Variants in F13A1 observed in about 807,000 individuals in gnomAD.
F13A1 encodes coagulation factor XIII A chain, also known as FSF, A subunit.
A neutral mutation model predicts 80.1 loss-of-function variants in F13A1; 47 were observed. The observed-to-expected ratio is 0.59, with a 90% CI of 0.46 to 0.75. F13A1 has a LOEUF of 0.75. F13A1 is among the 30% of genes least tolerant of loss of function. The pLI, the probability that F13A1 is intolerant of heterozygous loss-of-function variation, is 0.00. For missense variants in F13A1, 817 were observed against 930.4 expected (o/e 0.88, Z 1.59); for synonymous variants, 349 against 344.9 (o/e 1.01, Z -0.13).
At chr6:6,190,994 C>T (rs1175203739) in intron 10 of F13A1, among the ~76,000 whole-genome samples, 6 of 152,228 alleles carry the variant, frequency 3.9e-5, no homozygotes, top group Non-Finnish European at 8.8e-5. Flanking sequence ...TTTCCAGGTG[C>T]CATCCGTCAC....
intron 3 of F13A1, among the ~76,000 whole-genome samples, chr6:6,304,319 T>C (rs1758479783): frequency 6.6e-6 from 1 of 152,218 alleles, no homozygotes; most frequent in African/African-American, 2.4e-5. Context: ...TGCCTAATTT[T>C]TTCCTTTAAT....
chr6:6,180,506 C>G (rs1341721101), intron 11 of F13A1, among the ~76,000 whole-genome samples: 1 of 152,216 alleles, frequency 6.6e-6, no homozygotes. Context: ...TTGCAGCTAA[C>G]TTTTCTATGA....
intron 8 of F13A1, among the ~76,000 whole-genome samples, chr6:6,212,397 A>G (rs897544415): frequency 6.6e-6 from 1 of 152,184 alleles, no homozygotes; most frequent in African/African-American, 2.4e-5. Context: ...CCTAACTGGG[A>G]GGCACCCCCC....
chr6:6,182,208 C>G (rs1761001262), intron 10 of F13A1, 67 bp from the exon 11 acceptor site: 5 of 1,566,972 alleles, frequency 3.2e-6, no homozygotes, highest in Non-Finnish European at 4.4e-6. Flanking sequence ...CTTTAACTGT[C>G]CATAGAGCAG....
rs1167115323 is a variant in F13A1 at position 6,305,339 on chromosome 6, C to T, written c.319+12G>A. ...CATGGTGTCAAGACTGGAGCTTGCA[C>T]ATGGCACTCACCAATGACGTATTCC... On this transcript the variant is annotated intron_variant, in intron 3 of 14. Transcript: ENST00000264870. 1.9e-6 allele frequency: 3 copies of T among 1,614,164 alleles called. No homozygotes were observed. The highest frequency in any genetic ancestry group is 1.7e-6 in the Non-Finnish European group (2 of 1,180,004).
rs3024476 is a variant in F13A1 at position 6,266,907 on chromosome 6, A to C, written c.320-98T>G. Reference sequence around the variant, plus strand: ...ATAGCTGAAGGGACAGGAGTAATCCATTAGAATTATTCTTGACTTGAAGAA... The same window carrying C: ...ATAGCTGAAGGGACAGGAGTAATCCCTTAGAATTATTCTTGACTTGAAGAA... On this transcript the variant is annotated intron_variant, in intron 3 of 14. Coordinates refer to ENST00000264870, the MANE Select transcript of F13A1 (RefSeq NM_000129.4). 6.2e-3 allele frequency: 9,439 copies of C among 1,511,858 alleles called. 88 individuals carry two copies. The highest frequency in any genetic ancestry group is 0.014 in the Middle Eastern group (78 of 5,664). The allele number at this position is 1,511,858 out of a possible 1,614,324, so 93.7% of individuals were successfully genotyped here.
intron 3 of F13A1, among the ~76,000 whole-genome samples, chr6:6,304,439 T>C (rs1583122492): frequency 6.6e-6 from 1 of 152,298 alleles, no homozygotes; most frequent in East Asian, 1.9e-4. Context: ...TTTACCAAAA[T>C]GTGTCAAAAG....
At chr6:6,249,295 G>A (rs1190771320) in intron 5 of F13A1, among the ~76,000 whole-genome samples, 1 of 152,232 alleles carries the variant, frequency 6.6e-6, no homozygotes, top group Non-Finnish European at 1.5e-5. Context: ...CAAACTGACA[G>A]GATGGATGCA....
intron 13 of F13A1, among the ~76,000 whole-genome samples, chr6:6,167,134 G>C (rs1760687526): frequency 6.6e-6 from 1 of 152,146 alleles, no homozygotes; most frequent in South Asian, 2.1e-4. Context: ...GACACTGAAA[G>C]TTCTAAGTAT....
intron 3 of F13A1, among the ~76,000 whole-genome samples, chr6:6,283,868 T>C (rs1758099915): frequency 6.6e-6 from 1 of 152,176 alleles, no homozygotes; most frequent in Non-Finnish European, 1.5e-5. Context: ...AAGCATCAGC[T>C]GTAAGAGAAG....
chr6:6,285,982 G>A (rs975995042), intron 3 of F13A1, among the ~76,000 whole-genome samples: 4 of 152,244 alleles, frequency 2.6e-5, no homozygotes, highest in Non-Finnish European at 4.4e-5. Flanking sequence ...TACAACACTA[G>A]TAAACGCACT....
chr6:6,153,988 G>T (rs942672605), intron 13 of F13A1, among the ~76,000 whole-genome samples: 2 of 152,106 alleles, frequency 1.3e-5, no homozygotes, highest in African/African-American at 4.8e-5. Flanking sequence ...ATGAGGATTT[G>T]AAGCTGCCAA....
At chr6:6,244,787 T>G (rs1757532370) in intron 6 of F13A1, among the ~76,000 whole-genome samples, 1 of 152,152 alleles carries the variant, frequency 6.6e-6, no homozygotes, top group South Asian at 2.1e-4. Context: ...GGTCACATAG[T>G]AAGTTAATAG....
intron 13 of F13A1, among the ~76,000 whole-genome samples, chr6:6,160,237 A>G (rs941541828): frequency 6.7e-5 from 10 of 149,310 alleles, no homozygotes; most frequent in African/African-American, 2.0e-4. Flanking sequence ...AGATCACACC[A>G]CTGCACTCTA....
intron 12 of F13A1, among the ~76,000 whole-genome samples, chr6:6,168,414 C>T (rs1760714617): frequency 6.6e-6 from 1 of 152,202 alleles, no homozygotes; most frequent in African/African-American, 2.4e-5. Flanking sequence ...TTCTCTCTAA[C>T]TCCCATTTCC....
intron 3 of F13A1, among the ~76,000 whole-genome samples, chr6:6,293,094 T>A (rs1758246227): frequency 6.6e-6 from 1 of 152,096 alleles, no homozygotes; most frequent in Admixed American, 6.6e-5. Context: ...CATCATAGAA[T>A]TGAGGGAAAG....
rs866044358 is a variant in F13A1, at chr6:6,300,603, G to A, written c.319+4748C>T. ...GCAATGCCTCGCCCTGCTTCGGCTC[G>A]CGCACAGTGCACGCACCCACTGACT... is the stretch of plus-strand genomic sequence containing the variant. On this transcript the variant is annotated intron_variant, in intron 3 of 14. Transcript: ENST00000264870. Among the ~76,000 whole-genome samples the A allele has an allele frequency of 6.0e-4, 91 of 150,860 alleles. 1 individual carries two copies. In the South Asian group the frequency reaches 0.017, roughly 28 times the overall value.
At chr6:6,189,937 T>A (rs1761154806) in intron 10 of F13A1, among the ~76,000 whole-genome samples, 1 of 152,190 alleles carries the variant, frequency 6.6e-6, no homozygotes, top group Non-Finnish European at 1.5e-5. Context: ...TTATTCTTTT[T>A]TCTCTAAACT....
chr6:6,248,461 C>G (rs1757584852), intron 5 of F13A1, 42 bp from the exon 6 acceptor site: 1 of 1,489,796 alleles, frequency 6.7e-7, no homozygotes, highest in Non-Finnish European at 9.3e-7. Flanking sequence ...AGTGTTCACT[C>G]TGCAAGCAAA....
Sources: allele counts gnomAD v4.1 joint callset (sites outside exome capture counted in the v4.1 genomes callset), GRCh38; gene constraint gnomAD v4.1.1; transcripts MANE v1.5; gene names NCBI Gene and HGNC (gene_info 2026-07-23, HGNC 2026-07-21).